The following PDE10A variants were observed in gnomAD, a reference collection of about 807,000 sequenced individuals.
PDE10A encodes cAMP and cAMP-inhibited cGMP 3',5'-cyclic phosphodiesterase 10A.
Under a neutral mutation model 97.7 loss-of-function variants are expected in PDE10A, and 39 were observed. That is an observed-to-expected ratio of 0.40 (90% CI 0.31 to 0.52). The LOEUF (loss-of-function observed/expected upper bound fraction) is 0.52, where lower values mean the gene tolerates loss of function less well. PDE10A is among the 20% of genes least tolerant of loss of function. PDE10A has a pLI of 0.56. For synonymous variants in PDE10A, 371 were observed against 376.8 expected (o/e 0.98, Z 0.18); for missense variants, 731 against 1,047.8 (o/e 0.70, Z 4.17).
chr6:165,778,558 A>C lies in PDE10A; in HGVS notation c.-615+208971T>G, dbSNP rs182351769. Among the ~76,000 whole-genome samples the C allele has an allele frequency of 8.5e-5, 13 of 152,246 alleles. No homozygotes were observed. The East Asian group carries it at 2.5e-3, about 29-fold the overall frequency. On this transcript the variant is annotated intron_variant, in intron 1 of 19. Transcript: ENST00000366882. ...TGCCCAGATGCATGCAAGTTTCTAT[A>C]ATGAACACGCCTAAGAGTGGAGTTG... is the stretch of plus-strand genomic sequence containing the variant.
intron 1 of PDE10A, among the ~76,000 whole-genome samples, chr6:165,554,415 C>A (rs768836537): frequency 6.6e-6 from 1 of 152,008 alleles, no homozygotes; most frequent in South Asian, 2.1e-4. Context: ...TGAAAAGATG[C>A]TCAAAATTAC....
intron 1 of PDE10A, among the ~76,000 whole-genome samples, chr6:165,795,571 C>T (rs562355080): frequency 1.4e-5 from 2 of 146,964 alleles, no homozygotes; most frequent in South Asian, 2.2e-4. Flanking sequence ...ACTAAAAATA[C>T]AAAAACAAAC....
intron 1 of PDE10A, among the ~76,000 whole-genome samples, chr6:165,776,796 T>C (rs1778197846): frequency 6.6e-6 from 1 of 151,930 alleles, no homozygotes; most frequent in South Asian, 2.1e-4. Context: ...GAGAGGAGGG[T>C]GGCAAGGCAA....
chr6:165,983,954 A>G (rs545201694), intron 1 of PDE10A, among the ~76,000 whole-genome samples: 12 of 152,328 alleles, frequency 7.9e-5, no homozygotes, highest in Admixed American at 3.3e-4. Context: ...TATACCACAG[A>G]CATCCACCAG....
intron 2 of PDE10A, among the ~76,000 whole-genome samples, chr6:165,485,278 C>T (rs1779837975): frequency 6.6e-6 from 1 of 151,922 alleles, no homozygotes; most frequent in Non-Finnish European, 1.5e-5. Context: ...ACCATCCCGG[C>T]TAACACAGTG....
intron 1 of PDE10A, among the ~76,000 whole-genome samples, chr6:165,870,424 G>C (rs1689837218): frequency 6.6e-6 from 1 of 152,150 alleles, no homozygotes; most frequent in Non-Finnish European, 1.5e-5. Context: ...CATCCAGTTA[G>C]AATGGCTACT....
At chr6:165,775,126 A>C (rs1362267396) in intron 1 of PDE10A, 3 of 152,116 alleles carry the variant, frequency 2.0e-5, no homozygotes, top group African/African-American at 7.2e-5. Context: ...GTGCAATATG[A>C]GTATTTCCAG....
intron 1 of PDE10A, among the ~76,000 whole-genome samples, chr6:165,618,183 T>C (rs12206474): frequency 0.1 from 15,945 of 152,260 alleles, 925 homozygotes; most frequent in Non-Finnish European, 0.13. Context: ...ATTTGCTACA[T>C]TGCTAAAAGC....
At chr6:165,632,763 A>G (rs1182103212) in intron 1 of PDE10A, among the ~76,000 whole-genome samples, 1 of 152,186 alleles carries the variant, frequency 6.6e-6, no homozygotes, top group Non-Finnish European at 1.5e-5. Flanking sequence ...ACCTTTCATC[A>G]CAAGTATGGG....
chr6:165,517,812 TA>T, intron 2 of PDE10A, among the ~76,000 whole-genome samples: 1 of 152,320 alleles, frequency 6.6e-6, no homozygotes, highest in African/African-American at 2.4e-5. Flanking sequence ...ACATATGTGT[TA>T]AAATTCATAG....
At chr6:165,579,293 T>G (rs147040328) in intron 1 of PDE10A, among the ~76,000 whole-genome samples, 1 of 152,168 alleles carries the variant, frequency 6.6e-6, no homozygotes, top group South Asian at 2.1e-4. Context: ...ATAGAAAGAA[T>G]TGATTGAAGC....
chr6:165,485,890 G>C (rs1185133785), intron 2 of PDE10A, among the ~76,000 whole-genome samples: 1 of 152,132 alleles, frequency 6.6e-6, no homozygotes, highest in Non-Finnish European at 1.5e-5. Flanking sequence ...TACCGCGCCC[G>C]GCGGAGAGCA....
intron 1 of PDE10A, among the ~76,000 whole-genome samples, chr6:165,912,601 G>A (rs1782493873): frequency 1.3e-5 from 2 of 152,212 alleles, no homozygotes; most frequent in African/African-American, 4.8e-5. Context: ...AGTGTCACAA[G>A]TCGTGAGACT....
intron 1 of PDE10A, among the ~76,000 whole-genome samples, chr6:165,893,084 T>C (rs1781848224): frequency 6.6e-6 from 1 of 152,250 alleles, no homozygotes; most frequent in East Asian, 1.9e-4. Context: ...TGTTTTCATT[T>C]CTTTAACTCC....
At chr6:165,634,239 G>A (rs189981930) in intron 1 of PDE10A, among the ~76,000 whole-genome samples, 1 of 152,192 alleles carries the variant, frequency 6.6e-6, no homozygotes, top group Admixed American at 6.5e-5. Flanking sequence ...CTGCAGCGGT[G>A]CCCACTGAAG....
chr6:165,470,072 C>A (rs1023896380), intron 3 of PDE10A, among the ~76,000 whole-genome samples: 4 of 152,286 alleles, frequency 2.6e-5, no homozygotes, highest in Middle Eastern at 3.4e-3. Flanking sequence ...ATACCTGAGG[C>A]TACGTAATTT....
chr6:165,597,036 T>C (rs912876380), intron 1 of PDE10A, among the ~76,000 whole-genome samples: 3 of 152,108 alleles, frequency 2.0e-5, no homozygotes, highest in Non-Finnish European at 4.4e-5. Flanking sequence ...TTAATTAAAA[T>C]GGTAACTGCC....
chr6:165,824,756 A>G (rs1037134633), intron 1 of PDE10A, among the ~76,000 whole-genome samples: 9 of 152,058 alleles, frequency 5.9e-5, no homozygotes, highest in Admixed American at 5.2e-4. Flanking sequence ...AATCTATTGT[A>G]TATTTCTTAT....
intron 1 of PDE10A, among the ~76,000 whole-genome samples, chr6:165,983,180 T>C (rs1258510529): frequency 6.6e-6 from 1 of 152,146 alleles, no homozygotes; most frequent in East Asian, 1.9e-4. Flanking sequence ...TTTTGCCTAG[T>C]TAAATTAAGC....
Sources: gnomAD v4.1 joint callset for allele counts (sites outside exome capture counted in the v4.1 genomes callset) on GRCh38, gnomAD v4.1.1 for gene constraint, MANE v1.5 for transcripts, NCBI Gene and HGNC (gene_info 2026-07-23, HGNC 2026-07-21) for gene names.